Variants in TENM2 observed in about 807,000 individuals in gnomAD.
The protein encoded by TENM2 is teneurin transmembrane protein 2.
In TENM2, 52 loss-of-function variants were observed where a neutral mutation model predicts 245.2. The ratio of observed to expected loss-of-function variants is 0.21; its 90% confidence interval spans 0.17 to 0.27. TENM2 has a LOEUF of 0.27. Ranked by LOEUF, TENM2 falls within the 10% of genes least tolerant of loss-of-function variation. TENM2 has a pLI of 1.00. For missense variants in TENM2, 3,046 were observed against 3,666.8 expected (o/e 0.83, Z 4.37); for synonymous variants, 1,363 against 1,438.9 (o/e 0.95, Z 1.19).
chr5:167,569,151 A>G lies in TENM2; in HGVS notation c.502+193678A>G, dbSNP rs1328833986. ...TTTCTATCTGTGCAGCCATAGCTAC[A>G]TCATTCATATGTAATGTTTGTCTTT... On this transcript the variant is annotated intron_variant, in intron 2 of 28. Coordinates refer to ENST00000518659, the Ensembl canonical transcript of TENM2. Among the ~76,000 whole-genome samples, 4 of 136,124 alleles carry G rather than the reference A, an allele frequency of 2.9e-5. No homozygotes were observed. In the Admixed American group the frequency reaches 3.4e-4, roughly 12 times the overall value. 89.3% of individuals were successfully genotyped at this position (136,124 alleles called of 152,430 possible).
intron 2 of TENM2, among the ~76,000 whole-genome samples, chr5:167,410,552 G>GA (rs33991290): frequency 8.4e-4 from 125 of 148,536 alleles, no homozygotes; most frequent in South Asian, 8.3e-3. Flanking sequence ...TCTTACAAAA[G>GA]AAAAAAAAAA....
intron 2 of TENM2, among the ~76,000 whole-genome samples, chr5:167,612,417 C>T (rs181727943): frequency 6.6e-6 from 1 of 152,010 alleles, no homozygotes; most frequent in East Asian, 1.9e-4. Flanking sequence ...TTCTTTACAT[C>T]TAGGCATACT....
chr5:167,338,002 T>C (rs1757879712), intron 1 of TENM2, among the ~76,000 whole-genome samples: 1 of 152,240 alleles, frequency 6.6e-6, no homozygotes, highest in Non-Finnish European at 1.5e-5. Context: ...ACATTTGTAA[T>C]ACAATCTTGA....
chr5:167,828,141 T>A (rs1354465484), intron 2 of TENM2, among the ~76,000 whole-genome samples: 1 of 152,212 alleles, frequency 6.6e-6, no homozygotes, highest in Non-Finnish European at 1.5e-5. Flanking sequence ...CCTTACAGAT[T>A]AGATCCCATT....
chr5:167,108,128 T>C, the TENM2 span, among the ~76,000 whole-genome samples: 1 of 152,174 alleles, frequency 6.6e-6, no homozygotes, highest in African/African-American at 2.4e-5. Context: ...GTATTTTGTT[T>C]TTGTTTTGTT....
the TENM2 span, among the ~76,000 whole-genome samples, chr5:167,164,696 G>T: frequency 6.6e-6 from 1 of 152,120 alleles, no homozygotes; most frequent in Non-Finnish European, 1.5e-5. Flanking sequence ...AGCAGAACTA[G>T]ACTTCTCTGC....
At chr5:167,893,113 C>T (rs950689562) in intron 3 of TENM2, among the ~76,000 whole-genome samples, 28 of 152,088 alleles carry the variant, frequency 1.8e-4, no homozygotes, top group African/African-American at 6.3e-4. Flanking sequence ...TATTCTTCAT[C>T]GGCACCTCCT....
the TENM2 span, among the ~76,000 whole-genome samples, chr5:167,264,734 C>A: frequency 3.9e-5 from 6 of 152,166 alleles, no homozygotes. Context: ...TTTTGTCCAA[C>A]CAGGCCATGT....
chr5:167,466,765 A>G (rs974319229), intron 2 of TENM2, among the ~76,000 whole-genome samples: 18 of 152,158 alleles, frequency 1.2e-4, no homozygotes, highest in African/African-American at 3.6e-4. Flanking sequence ...AGTAATTTGT[A>G]TAAGTAATAC....
In TENM2 at chr5:167,463,125, CATATT is replaced by C. The variant is rs986454652; in HGVS notation, c.502+87658_502+87662del. Among the ~76,000 whole-genome samples, 6 of 152,204 alleles carry C rather than the reference CATATT, an allele frequency of 3.9e-5. No individual in the cohort carries two copies. In the East Asian group the frequency reaches 9.7e-4, roughly 25 times the overall value. ...TAGAGATGTTTATAAGGCATATAAA[CATATT>C]ATATTTCCTAGTTCAGTATCTACAG... On this transcript the variant is annotated intron_variant, in intron 2 of 28. Coordinates refer to ENST00000518659, the Ensembl canonical transcript of TENM2.
intron 12 of TENM2, among the ~76,000 whole-genome samples, chr5:168,130,745 T>A (rs1754502732): frequency 6.6e-6 from 1 of 152,024 alleles, no homozygotes; most frequent in Non-Finnish European, 1.5e-5. Context: ...AAAAATTAGC[T>A]GGGCATGGTG....
At chr5:168,190,443 C>G in exon 14 of TENM2, 1 of 1,613,960 alleles carries the variant, frequency 6.2e-7, no homozygotes, top group South Asian at 1.1e-5. Flanking sequence ...TTCAGCAGGG[C>G]CAGACGGATT....
intron 2 of TENM2, among the ~76,000 whole-genome samples, chr5:167,834,865 T>C (rs1768840704): frequency 6.6e-6 from 1 of 152,110 alleles, no homozygotes; most frequent in African/African-American, 2.4e-5. Context: ...TTAGCCAGGA[T>C]GGTCTCGATC....
chr5:167,160,274 A>C, the TENM2 span, among the ~76,000 whole-genome samples: 1 of 152,200 alleles, frequency 6.6e-6, no homozygotes, highest in Admixed American at 6.5e-5. Context: ...CTTTGCACTT[A>C]AAGTCCAGAC....
chr5:167,049,687 T>C, the TENM2 span, among the ~76,000 whole-genome samples: 3 of 152,226 alleles, frequency 2.0e-5, no homozygotes, highest in Admixed American at 6.5e-5. Flanking sequence ...CCTAGGACAC[T>C]ATGATAATTA....
intron 4 of TENM2, among the ~76,000 whole-genome samples, chr5:167,985,281 G>C (rs1311400486): frequency 6.6e-6 from 1 of 152,062 alleles, no homozygotes; most frequent in African/African-American, 2.4e-5. Context: ...ATGATAGTCT[G>C]AATATTTTAG....
chr5:167,986,895 G>T (rs1783289744), intron 4 of TENM2, among the ~76,000 whole-genome samples: 1 of 152,186 alleles, frequency 6.6e-6, no homozygotes. Context: ...CCATTACCTT[G>T]TGGGTCTTGC....
chr5:168,257,311 G>T (rs190847651), intron 27 of TENM2, among the ~76,000 whole-genome samples: 21 of 152,294 alleles, frequency 1.4e-4, no homozygotes, highest in Non-Finnish European at 2.2e-4. Flanking sequence ...TGGCCTTACC[G>T]GGCAGGCAGA....
intron 2 of TENM2, among the ~76,000 whole-genome samples, chr5:167,829,710 C>G (rs978065429): frequency 2.0e-5 from 3 of 152,062 alleles, no homozygotes; most frequent in Non-Finnish European, 4.4e-5. Flanking sequence ...AAAACTGAGG[C>G]ACAGAAAAGC....
Sources: allele counts gnomAD v4.1 joint callset (sites outside exome capture counted in the v4.1 genomes callset), GRCh38; gene constraint gnomAD v4.1.1; transcripts MANE v1.5; gene names NCBI Gene and HGNC (gene_info 2026-07-23, HGNC 2026-07-21).